Variants in ADGRD1 observed in about 807,000 individuals in gnomAD.
ADGRD1 encodes G-protein coupled receptor 133.
Under a neutral mutation model 113.4 loss-of-function variants are expected in ADGRD1, and 77 were observed. The observed-to-expected ratio is 0.68, with a 90% CI of 0.57 to 0.82. The LOEUF is 0.82. Among genes scored for constraint, ADGRD1 ranks in the 40% least tolerant of loss-of-function variants. ADGRD1 has a pLI of 0.00. For missense variants in ADGRD1, 1,036 were observed against 1,139.1 expected, an observed-to-expected ratio of 0.91 and a Z score of 1.30; for synonymous variants, 474 against 475.0, an observed-to-expected ratio of 1.00 and a Z score of 0.03.
At chr12:130,975,210 A>G (rs1363373958) in intron 4 of ADGRD1, among the ~76,000 whole-genome samples, 2 of 152,164 alleles carry the variant, frequency 1.3e-5, no homozygotes, top group African/African-American at 4.8e-5. Flanking sequence ...TGTAAACTTT[A>G]CGGGGATGAG....
At chr12:131,132,609 G>A (rs1453940523) in intron 21 of ADGRD1, among the ~76,000 whole-genome samples, 1 of 152,326 alleles carries the variant, frequency 6.6e-6, no homozygotes, top group South Asian at 2.1e-4. Context: ...GAATGGCTGC[G>A]GCAGGGGTTC....
chr12:131,053,574 A>C (rs542195310), intron 13 of ADGRD1, among the ~76,000 whole-genome samples: 132 of 152,254 alleles, frequency 8.7e-4, no homozygotes, highest in Admixed American at 2.3e-3. Flanking sequence ...GGCTGTTTTT[A>C]AGAATTTTAG....
intron 20 of ADGRD1, among the ~76,000 whole-genome samples, chr12:131,130,456 A>G (rs2136091440): frequency 6.6e-6 from 1 of 152,322 alleles, no homozygotes. Context: ...CCCAAAGAAC[A>G]GCACCAGGAG....
At position 131,050,083 on chromosome 12, in the gene ADGRD1, C is replaced by T. The variant is rs1163571049; in HGVS notation, c.1474-26718C>T. On this transcript the variant is annotated intron_variant, in intron 13 of 24. Transcript: ENST00000261654. The surrounding 1 kb of genome is among the most constrained non-coding windows in gnomAD (Gnocchi z 4.8). ...TAGTGCTTGGCACATAGATTGGATACACGGGGGTCCAGGAATGCGTGCAGG... is the reference window on the plus strand; with the variant it reads ...TAGTGCTTGGCACATAGATTGGATATACGGGGGTCCAGGAATGCGTGCAGG... 6.6e-6 allele frequency among the ~76,000 whole-genome samples: 1 copy of T among 152,130 alleles called. No individual in the cohort carries two copies. The highest frequency in any genetic ancestry group is 1.5e-5 in the Non-Finnish European group (1 of 68,044).
At chr12:130,977,750 T>C (rs1872496622) in intron 4 of ADGRD1, 1 of 152,404 alleles carries the variant, frequency 6.6e-6, no homozygotes, top group South Asian at 2.1e-4. Context: ...CTGTGTGGTC[T>C]GTGGTGACTG....
Position 130,981,996 on chromosome 12 carries a change from C to T in ADGRD1, c.423C>T (p.Gly141=), listed in dbSNP as rs1873057302. ...GGTTCAAAGTCTGCTCCAGCGGTGG[C>T]AGAGGCTCTGTGGAGCTGTATACGC... The part of the protein sequence containing the change: ...SNGFKVCSSG[G]RGSVELYTRD... Residue 141 remains glycine (G), a synonymous_variant, in exon 5 of 25, where the codon GGC becomes GGT. Transcript: ENST00000261654. 2 of 1,613,984 alleles carry T rather than the reference C, an allele frequency of 1.2e-6. No homozygotes were observed. The highest frequency in any genetic ancestry group is 1.3e-5 in the African/African-American group (1 of 75,012).
At chr12:131,047,839 A>T (rs542863901) in intron 13 of ADGRD1, among the ~76,000 whole-genome samples, 2 of 152,306 alleles carry the variant, frequency 1.3e-5, no homozygotes, top group Admixed American at 6.5e-5. Flanking sequence ...AGCCCTGCTG[A>T]TGGCCTGCTT....
In ADGRD1 at chr12:131,000,113, C is replaced by T. The variant is rs1281787804; in HGVS notation, c.967-270C>T. 3.9e-5 allele frequency among the ~76,000 whole-genome samples: 6 copies of T among 152,324 alleles called. No individual in the cohort carries two copies. The Middle Eastern group carries it at 0.01, about 259-fold the overall frequency. On this transcript the variant is annotated intron_variant, in intron 8 of 24. Coordinates refer to ENST00000261654, the MANE Select transcript of ADGRD1 (RefSeq NM_198827.5). ...TGTCCCCCAGGCGCTGTGCTAGGGC[C>T]CCTGCCGTCACTGAGCAGTGTTCAT... is the stretch of plus-strand genomic sequence containing the variant.
At chr12:131,024,994 C>T (rs1198178271) in intron 13 of ADGRD1, among the ~76,000 whole-genome samples, 3 of 152,212 alleles carry the variant, frequency 2.0e-5, no homozygotes, top group Non-Finnish European at 4.4e-5. Flanking sequence ...CTCCCGGCTC[C>T]AGTGAATTAC....
chr12:131,123,346 T>C lies in ADGRD1; in HGVS notation c.2175+2433T>C, dbSNP rs900025982. ...AGGCGTGAGCCACTGCGCCCGGCCC[T>C]GGGAAGCTTTAAGAGTATTCCTGTC... On this transcript the variant is annotated intron_variant, in intron 20 of 24. Transcript: ENST00000261654. 1.3e-5 allele frequency among the ~76,000 whole-genome samples: 2 copies of C among 150,528 alleles called. 1 individual carries two copies. Among genetic ancestry groups the C allele is most frequent in the South Asian group, 4.4e-4 (2 of 4,594 alleles).
intron 12 of ADGRD1, 101 bp from the exon 13 acceptor site, chr12:131,014,098 C>G (rs1566029848): frequency 3.5e-6 from 4 of 1,153,422 alleles, no homozygotes; most frequent in Non-Finnish European, 4.9e-6. Context: ...AGATTTCCGT[C>G]TCAATAGTTT....
chr12:131,047,571 C>T (rs1566063465), intron 13 of ADGRD1, among the ~76,000 whole-genome samples: 1 of 152,190 alleles, frequency 6.6e-6, no homozygotes, highest in Non-Finnish European at 1.5e-5. Context: ...AGGACAGTTG[C>T]ACCGCCCTGT....
intron 13 of ADGRD1, among the ~76,000 whole-genome samples, chr12:131,059,334 A>G (rs1168677811): frequency 1.3e-5 from 2 of 152,042 alleles, no homozygotes; most frequent in Non-Finnish European, 2.9e-5. Context: ...AATAGACACC[A>G]TGCCCAGCTA....
At chr12:131,006,623 G>A (rs1239954066) in intron 12 of ADGRD1, among the ~76,000 whole-genome samples, 1 of 144,378 alleles carries the variant, frequency 6.9e-6, no homozygotes, top group Non-Finnish European at 1.5e-5. Flanking sequence ...CCTCATGTGG[G>A]TTTGGGTCCT....
At chr12:131,000,160 A>G (rs1220141366) in intron 8 of ADGRD1, among the ~76,000 whole-genome samples, 1 of 152,202 alleles carries the variant, frequency 6.6e-6, no homozygotes, top group African/African-American at 2.4e-5. Flanking sequence ...GGTGCTGGTC[A>G]CTGACTCGAC....
At chr12:130,979,438 T>C (rs1565996462) in intron 4 of ADGRD1, among the ~76,000 whole-genome samples, 1 of 152,208 alleles carries the variant, frequency 6.6e-6, no homozygotes, top group South Asian at 2.1e-4. Context: ...TTTGAAGGAC[T>C]TCTAACAGAT....
At chr12:131,007,573 G>C (rs1593345612) in intron 12 of ADGRD1, among the ~76,000 whole-genome samples, 1 of 152,196 alleles carries the variant, frequency 6.6e-6, no homozygotes, top group South Asian at 2.1e-4. Flanking sequence ...ACGGACCCAG[G>C]TGTCTGCAGA....
intron 13 of ADGRD1, chr12:131,069,861 CTAA>C (rs1225692569): frequency 2.6e-5 from 4 of 152,158 alleles, no homozygotes; most frequent in Non-Finnish European, 2.9e-5. Flanking sequence ...TTTGAGTAGC[CTAA>C]TGAGTGAAAA....
intron 15 of ADGRD1, among the ~76,000 whole-genome samples, chr12:131,089,567 G>A (rs950715546): frequency 3.3e-5 from 5 of 151,946 alleles, no homozygotes; most frequent in African/African-American, 1.2e-4. Context: ...CCTGCCAGTG[G>A]GTGCTCACTT....
Sources: gnomAD v4.1 joint callset for allele counts (sites outside exome capture counted in the v4.1 genomes callset) on GRCh38, gnomAD v4.1.1 for gene constraint, Gnocchi (gnomAD v3.1) non-coding constraint, MANE v1.5 for transcripts, NCBI Gene and HGNC (gene_info 2026-07-23, HGNC 2026-07-21) for gene names.